Variants in ANKRD33B observed in about 807,000 individuals in gnomAD.
ANKRD33B encodes ankyrin repeat domain 33B.
In ANKRD33B, 6 loss-of-function variants were observed where a neutral mutation model predicts 21.5. The ratio of observed to expected loss-of-function variants is 0.28; its 90% CI spans 0.15 to 0.55. ANKRD33B has a LOEUF of 0.55. Among genes scored for constraint, ANKRD33B ranks in the 20% least tolerant of loss-of-function variants. ANKRD33B has a pLI of 0.94. For synonymous variants in ANKRD33B, 347 were observed against 342.4 expected, an observed-to-expected ratio of 1.01 and a Z score of -0.15; for missense variants, 698 against 747.2, an observed-to-expected ratio of 0.93 and a Z score of 0.77.
intron 1 of ANKRD33B, among the ~76,000 whole-genome samples, chr5:10,586,693 C>T (rs1318026069): frequency 6.6e-6 from 1 of 152,146 alleles, no homozygotes; most frequent in Non-Finnish European, 1.5e-5. Context: ...GCAGTCACAG[C>T]CAGATTCAAT....
intron 1 of ANKRD33B, among the ~76,000 whole-genome samples, chr5:10,610,866 G>A (rs1031167201): frequency 3.3e-5 from 5 of 152,010 alleles, no homozygotes; most frequent in African/African-American, 7.3e-5. Flanking sequence ...CCAACGTGGC[G>A]AAACCCGTCT....
intron 2 of ANKRD33B, among the ~76,000 whole-genome samples, chr5:10,631,143 T>C (rs529022865): frequency 2.6e-5 from 4 of 152,328 alleles, no homozygotes; most frequent in Admixed American, 2.6e-4. Flanking sequence ...AAGATCTGCC[T>C]TGGGGAAGAG....
intron 1 of ANKRD33B, among the ~76,000 whole-genome samples, chr5:10,591,196 T>TTTTTTTTTG (rs1735679879): frequency 1.7e-5 from 1 of 58,878 alleles, no homozygotes; most frequent in Non-Finnish European, 3.3e-5. Context: ...TTTTTAGTGG[T>TTTTTTTTTG]TTTTTTTTTT....
chr5:10,644,005 TAAA>T (rs71998359), intron 3 of ANKRD33B, among the ~76,000 whole-genome samples: 2 of 140,970 alleles, frequency 1.4e-5, no homozygotes, highest in Non-Finnish European at 1.6e-5. Flanking sequence ...GGGTAAGAAT[TAAA>T]AAAAAAAAAA....
chr5:10,616,063 A>C (rs4702710), intron 1 of ANKRD33B, among the ~76,000 whole-genome samples: 139,187 of 152,272 alleles, frequency 0.91, 63,818 homozygotes, highest in Middle Eastern at 0.97. Flanking sequence ...GCTAGATTAT[A>C]TTAAAGAGGC....
chr5:10,596,704 A>G (rs1038317998), intron 1 of ANKRD33B, among the ~76,000 whole-genome samples: 2 of 152,190 alleles, frequency 1.3e-5, no homozygotes, highest in Non-Finnish European at 2.9e-5. Flanking sequence ...GAAACCCAGT[A>G]AGATGCTCCA....
intron 3 of ANKRD33B, among the ~76,000 whole-genome samples, chr5:10,647,545 A>G (rs1289485021): frequency 6.6e-6 from 1 of 152,180 alleles, no homozygotes; most frequent in Non-Finnish European, 1.5e-5. Flanking sequence ...TAACTTTGCA[A>G]TATTTGGGGG....
chr5:10,652,785 A>G lies in ANKRD33B; in HGVS notation c.*2672A>G, dbSNP rs1375241715. 2 of 276,376 alleles carry G rather than the reference A, an allele frequency of 7.2e-6. No homozygotes were observed. Among genetic ancestry groups the G allele is most frequent in the Middle Eastern group, 6.9e-4 (1 of 1,456 alleles). The allele number at this position is 276,376 out of a possible 1,614,324, so 17.1% of individuals were successfully genotyped here. On this transcript the variant is annotated 3_prime_UTR_variant, in exon 4 of 4. Transcript: ENST00000296657. The surrounding 1 kb of genome is among the most constrained non-coding windows in gnomAD (Gnocchi z 4.1). The stretch of plus-strand genomic sequence containing the variant: ...TTCCAGCCTCATCCAGGTGCACAGG[A>G]TACTCTGGGGCCAGCACAGGGATTG...
At chr5:10,640,872 C>T (rs774243042) in intron 3 of ANKRD33B, among the ~76,000 whole-genome samples, 4 of 152,248 alleles carry the variant, frequency 2.6e-5, no homozygotes, top group Non-Finnish European at 4.4e-5. Context: ...ATGCCCCTTC[C>T]TTCTTACTGT....
intron 1 of ANKRD33B, among the ~76,000 whole-genome samples, chr5:10,586,485 C>G (rs1735562540): frequency 3.6e-5 from 5 of 140,512 alleles, no homozygotes; most frequent in African/African-American, 1.3e-4. Flanking sequence ...GTTCTTGTAA[C>G]TGTGTGTGTG....
At chr5:10,600,151 A>G (rs2126567728) in intron 1 of ANKRD33B, among the ~76,000 whole-genome samples, 1 of 152,386 alleles carries the variant, frequency 6.6e-6, no homozygotes, top group Admixed American at 6.5e-5. Context: ...GTATGTCTGC[A>G]TAGGCAAAGT....
At chr5:10,590,895 G>A (rs114319923) in intron 1 of ANKRD33B, among the ~76,000 whole-genome samples, 1 of 152,028 alleles carries the variant, frequency 6.6e-6, no homozygotes, top group Non-Finnish European at 1.5e-5. Flanking sequence ...ATACAATCAG[G>A]CCTGCAAGTC....
Position 10,650,230 on chromosome 5 carries a change from G to C in ANKRD33B, c.*117G>C. The C allele has an allele frequency of 5.4e-6, 6 of 1,118,726 alleles. No individual in the cohort carries two copies. The highest frequency in any genetic ancestry group is 2.0e-5 in the South Asian group (1 of 50,154). 69.3% of individuals were successfully genotyped at this position (1,118,726 alleles called of 1,614,324 possible). A position where few individuals can be genotyped will look rare whatever the true frequency, so the allele number is the denominator to read the frequency against. ...GCACCACTTCCGCTCCATGGACCACGGGGCTGCGCGCATTTCCAGGCTGTT... is the reference window on the plus strand; with the variant it reads ...GCACCACTTCCGCTCCATGGACCACCGGGCTGCGCGCATTTCCAGGCTGTT... On this transcript the variant is annotated 3_prime_UTR_variant, in exon 4 of 4. Coordinates refer to ENST00000296657, the MANE Select transcript of ANKRD33B (RefSeq NM_001164440.2).
intron 1 of ANKRD33B, among the ~76,000 whole-genome samples, chr5:10,587,494 C>T (rs187914789): frequency 4.0e-5 from 6 of 150,592 alleles, no homozygotes; most frequent in African/African-American, 9.8e-5. Flanking sequence ...TTCTTTTACT[C>T]GGACAACATT....
intron 1 of ANKRD33B, among the ~76,000 whole-genome samples, chr5:10,592,450 TAAAAAAAAAAAAA>T (rs35660672): frequency 5.8e-5 from 4 of 69,114 alleles, no homozygotes; most frequent in South Asian, 5.4e-4. Context: ...CCATCTCTAC[TAAAAAAAAAAAAA>T]AAAAAAAAAA....
rs970661898 is a variant in ANKRD33B at position 10,653,326 on chromosome 5, C to T, written c.*3213C>T. The T allele has an allele frequency of 2.0e-5, 3 of 152,412 alleles. No homozygotes were observed. Among genetic ancestry groups the T allele is most frequent in the Admixed American group, 1.3e-4 (2 of 15,276 alleles). 9.4% of individuals were successfully genotyped at this position (152,412 alleles called of 1,614,324 possible). A position where few individuals can be genotyped will look rare whatever the true frequency, so the allele number is the denominator to read the frequency against. Reference sequence around the variant, plus strand: ...GGAAGTGTTGCCAAACCTCTTGCCTCGACCTGTGGGGGGCCTTCTGCTCTT... The same window carrying T: ...GGAAGTGTTGCCAAACCTCTTGCCTTGACCTGTGGGGGGCCTTCTGCTCTT... On this transcript the variant is annotated 3_prime_UTR_variant, in exon 4 of 4. Coordinates refer to ENST00000296657, the MANE Select transcript of ANKRD33B (RefSeq NM_001164440.2).
chr5:10,626,744 C>T (rs1046413626), intron 2 of ANKRD33B, among the ~76,000 whole-genome samples: 15 of 152,174 alleles, frequency 9.9e-5, no homozygotes, highest in African/African-American at 2.2e-4. Context: ...AAATCCCTGT[C>T]GGCGTTTCCC....
At chr5:10,594,447 A>G (rs566362210) in intron 1 of ANKRD33B, among the ~76,000 whole-genome samples, 1 of 152,104 alleles carries the variant, frequency 6.6e-6, no homozygotes, top group East Asian at 1.9e-4. Context: ...TGAACTCCCA[A>G]CCTCAGCTGA....
At chr5:10,636,807 T>C (rs1208282187) in intron 2 of ANKRD33B, among the ~76,000 whole-genome samples, 1 of 152,162 alleles carries the variant, frequency 6.6e-6, no homozygotes, top group Non-Finnish European at 1.5e-5. Flanking sequence ...CCAGGTGTGG[T>C]TGGTCACGAA....
Sources: gnomAD v4.1 joint callset for allele counts (sites outside exome capture counted in the v4.1 genomes callset) on GRCh38, gnomAD v4.1.1 for gene constraint, Gnocchi (gnomAD v3.1) non-coding constraint, MANE v1.5 for transcripts, NCBI Gene and HGNC (gene_info 2026-07-23, HGNC 2026-07-21) for gene names.